LRP8: variants seen among roughly 807,000 people sequenced by gnomAD.
The protein encoded by LRP8 is LDL receptor related protein 8.
A neutral mutation model predicts 111.6 loss-of-function variants in LRP8; 46 were observed. The observed-to-expected ratio is 0.41, with a 90% CI of 0.33 to 0.53. The LOEUF (loss-of-function observed/expected upper bound fraction) is 0.53, where lower values mean the gene tolerates loss of function less well. LRP8 is among the 20% of genes least tolerant of loss of function. LRP8 has a pLI of 0.20. For missense variants in LRP8, 959 were observed against 1,297.4 expected (o/e 0.74, Z 4.01); for synonymous variants, 464 against 511.2 (o/e 0.91, Z 1.24).
At chr1:53,327,719 C>T in intron 1 of LRP8, 70 bp downstream of exon 1, 5 of 1,375,194 alleles carry the variant, frequency 3.6e-6, no homozygotes, top group South Asian at 1.5e-5. Flanking sequence ...CTCCCCGCTC[C>T]GGCCTCCCGG....
Position 53,327,961 on chromosome 1 carries a change from GC to G in LRP8, c.-50del. On this transcript the variant is annotated 5_prime_UTR_variant, in exon 1 of 19. Coordinates refer to ENST00000306052, the MANE Select transcript of LRP8 (RefSeq NM_004631.5). ...CGCGCCCCGCGCTCCCCGCGCCGCC[GC>G]CGCCGCGTCTCAGCCCTCCGAGTCC... The G allele has an allele frequency of 9.5e-7, 1 of 1,057,494 alleles. No individual in the cohort carries two copies. Among genetic ancestry groups the G allele is most frequent in the Non-Finnish European group, 1.1e-6 (1 of 877,760 alleles). 65.5% of individuals were successfully genotyped at this position (1,057,494 alleles called of 1,614,324 possible). A position where few individuals can be genotyped will look rare whatever the true frequency, so the allele number is the denominator to read the frequency against.
In LRP8 at chr1:53,317,470, C is replaced by A. The variant is rs1441195111; in HGVS notation, c.244+9403G>T. Among the ~76,000 whole-genome samples, 1 of 152,216 alleles carries A rather than the reference C, an allele frequency of 6.6e-6. No individual in the cohort carries two copies. The highest frequency in any genetic ancestry group is 1.5e-5 in the Non-Finnish European group (1 of 68,042). On this transcript the variant is annotated intron_variant, in intron 2 of 18. Coordinates refer to ENST00000306052, the MANE Select transcript of LRP8 (RefSeq NM_004631.5). This position sits in a 1 kb window ranked among gnomAD's most constrained non-coding sequence, Gnocchi z 4.9. ...AGATGGCTCCGACAGTCCCTCCCAG[C>A]CCGAGGAGCTGCTGTTCTCTCAGGC... is the stretch of plus-strand genomic sequence containing the variant.
intron 16 of LRP8, among the ~76,000 whole-genome samples, chr1:53,254,797 T>C (rs1200484275): frequency 1.3e-5 from 2 of 152,112 alleles, no homozygotes; most frequent in Non-Finnish European, 2.9e-5. Flanking sequence ...TGCCAGGAGC[T>C]GGGGAGAATG....
chr1:53,288,639 C>T (rs1445041591), intron 3 of LRP8, among the ~76,000 whole-genome samples: 2 of 152,052 alleles, frequency 1.3e-5, no homozygotes, highest in Non-Finnish European at 1.5e-5. Context: ...GATGGGACTC[C>T]GGTCTCCATT....
rs1302045529 is a variant in LRP8, at chr1:53,243,578, T to C, written c.*3440A>G. On this transcript the variant is annotated 3_prime_UTR_variant, in exon 19 of 19. Coordinates refer to ENST00000306052, the MANE Select transcript of LRP8 (RefSeq NM_004631.5). ...CATTGAATCAGAAATTAATCTATTT[T>C]ATAAAGTGCTTACATTGAATCTCTT... The C allele has an allele frequency of 1.3e-5, 2 of 152,216 alleles. No individual in the cohort carries two copies. Among genetic ancestry groups the C allele is most frequent in the African/African-American group, 4.8e-5 (2 of 41,448 alleles). The allele number at this position is 152,216 out of a possible 1,614,324, so 9.4% of individuals were successfully genotyped here.
Position 53,262,360 on chromosome 1 carries a change from C to A in LRP8, c.1774+86G>T. 6.6e-7 allele frequency: 1 copy of A among 1,520,288 alleles called. No homozygotes were observed. Among genetic ancestry groups the A allele is most frequent in the Non-Finnish European group, 9.1e-7 (1 of 1,100,756 alleles). 94.2% of individuals were successfully genotyped at this position (1,520,288 alleles called of 1,614,324 possible). A position where few individuals can be genotyped will look rare whatever the true frequency, so the allele number is the denominator to read the frequency against. ...CAAAGTCACTGGCACCATGAGAGGACCCAGAAACAAGACTCATGGAGTTCC... is the reference window on the plus strand; with the variant it reads ...CAAAGTCACTGGCACCATGAGAGGAACCAGAAACAAGACTCATGGAGTTCC... On this transcript the variant is annotated intron_variant, in intron 11 of 18. Coordinates refer to ENST00000306052, the MANE Select transcript of LRP8 (RefSeq NM_004631.5). The surrounding 1 kb of genome is among the most constrained non-coding windows in gnomAD (Gnocchi z 4.8).
At chr1:53,274,394 A>C (rs531251224) in intron 6 of LRP8, among the ~76,000 whole-genome samples, 2 of 152,364 alleles carry the variant, frequency 1.3e-5, no homozygotes, top group South Asian at 4.1e-4. Context: ...ACCGAGGAAG[A>C]GAGAAAGTTC....
intron 8 of LRP8, chr1:53,268,584 T>A (rs1181122662): frequency 6.6e-6 from 1 of 152,194 alleles, no homozygotes; most frequent in Admixed American, 6.5e-5. Context: ...ATCTGTTGTA[T>A]ATTGTATTTA....
chr1:53,270,663 C>T (rs915245266), intron 8 of LRP8, among the ~76,000 whole-genome samples: 7 of 152,200 alleles, frequency 4.6e-5, no homozygotes, highest in African/African-American at 1.7e-4. Flanking sequence ...CAATGCAGAA[C>T]TCTTAGGGCT....
In LRP8 at chr1:53,294,234, C is replaced by T. The variant is rs182042477; in HGVS notation, c.245-4545G>A. Among the ~76,000 whole-genome samples, 2 of 152,320 alleles carry T rather than the reference C, an allele frequency of 1.3e-5. No individual in the cohort carries two copies. Among genetic ancestry groups the T allele is most frequent in the African/African-American group, 4.8e-5 (2 of 41,576 alleles). ...AGCCCAGGAGTGATACATAGTCAAC[C>T]AGGGTCTGCGACATCATAATCTGGT... On this transcript the variant is annotated intron_variant, in intron 2 of 18. Transcript: ENST00000306052. This position sits in a 1 kb window ranked among gnomAD's most constrained non-coding sequence, Gnocchi z 4.1.
rs530486842 is a variant in LRP8 at position 53,274,038 on chromosome 1, TGCCCACCCTACCTACA to T, written c.1006+1577_1006+1592del. On this transcript the variant is annotated intron_variant, in intron 6 of 18. Coordinates refer to ENST00000306052, the MANE Select transcript of LRP8 (RefSeq NM_004631.5). The stretch of plus-strand genomic sequence containing the variant: ...TGGGTTTCTAGCATGTTCTCTGGGA[TGCCCACCCTACCTACA>T]GCCTGGAGCCTCTGTTCTTTCTAGC... Among the ~76,000 whole-genome samples the T allele has an allele frequency of 1.4e-4, 21 of 152,302 alleles. No homozygotes were observed. In the East Asian group the frequency reaches 3.5e-3, roughly 25 times the overall value.
In LRP8 at chr1:53,260,613, G is replaced by T. The variant is rs770805690; in HGVS notation, c.1915-8C>A. Reference sequence around the variant, plus strand: ...TGTCCAGAACACCTTGTCCTGTGGGGTATAGATGCAGAGGATGGGAGGCCT... The same window carrying T: ...TGTCCAGAACACCTTGTCCTGTGGGTTATAGATGCAGAGGATGGGAGGCCT... On this transcript the variant is annotated splice_region_variant and splice_polypyrimidine_tract_variant and intron_variant, in intron 12 of 18. Coordinates refer to ENST00000306052, the MANE Select transcript of LRP8 (RefSeq NM_004631.5). 1.2e-6 allele frequency: 2 copies of T among 1,613,476 alleles called. No individual in the cohort carries two copies. Among genetic ancestry groups the T allele is most frequent in the Admixed American group, 1.7e-5 (1 of 59,990 alleles).
Position 53,273,442 on chromosome 1 carries a change from C to T in LRP8, c.1007-2096G>A, listed in dbSNP as rs1292097402. 4.6e-5 allele frequency among the ~76,000 whole-genome samples: 7 copies of T among 152,208 alleles called. No individual in the cohort carries two copies. In the East Asian group the frequency reaches 7.7e-4, roughly 17 times the overall value. ...CCCCTGCTTTACTCAGAGAAGAAGA[C>T]ATGGATACAGACACCGGCCTCTCAC... On this transcript the variant is annotated intron_variant, in intron 6 of 18. Coordinates refer to ENST00000306052, the MANE Select transcript of LRP8 (RefSeq NM_004631.5).
At chr1:53,315,326 A>G (rs1177994592) in intron 2 of LRP8, among the ~76,000 whole-genome samples, 1 of 152,194 alleles carries the variant, frequency 6.6e-6, no homozygotes, top group Non-Finnish European at 1.5e-5. Flanking sequence ...GGATTCCTGA[A>G]GGACAGATGG....
intron 2 of LRP8, among the ~76,000 whole-genome samples, chr1:53,297,702 T>C (rs1288495): frequency 0.39 from 58,993 of 151,986 alleles, 14,905 homozygotes; most frequent in African/African-American, 0.71. Flanking sequence ...GGCTTTGCTT[T>C]CAAATCGGGA....
chr1:53,264,344 C>A lies in LRP8; in HGVS notation c.1480G>T (p.Glu494Ter). The A allele has an allele frequency of 6.2e-7, 1 of 1,614,086 alleles. No individual in the cohort carries two copies. The highest frequency in any genetic ancestry group is 8.5e-7 in the Non-Finnish European group (1 of 1,179,986). The change falls in exon 10 of 19, where the codon GAG becomes TAG. Residue 494 changes from glutamate (E) to a stop codon, truncating the protein, a stop_gained. Transcript: ENST00000306052. LOFTEE classifies it high-confidence loss of function. ...AGGCCCTCTGGAGAGTGCAACTGCT[C>A]GTCAATGAGGACCTCCTGCTCTTTC... is the stretch of plus-strand genomic sequence containing the variant. The part of the protein sequence containing the change: ...DPKEQEVLID[E>*]QLHSPEGLAV...
At chr1:53,324,026 T>C (rs1171929309) in intron 2 of LRP8, among the ~76,000 whole-genome samples, 1 of 152,188 alleles carries the variant, frequency 6.6e-6, no homozygotes, top group East Asian at 1.9e-4. Flanking sequence ...GCAGACTCTA[T>C]CTACAAATTC....
chr1:53,323,923 C>G (rs1654826227), intron 2 of LRP8, among the ~76,000 whole-genome samples: 1 of 152,242 alleles, frequency 6.6e-6, no homozygotes, highest in Admixed American at 6.5e-5. Context: ...GGAAGCCTTT[C>G]TTGGCTTCCT....
chr1:53,318,284 C>T (rs1261553639), intron 2 of LRP8, among the ~76,000 whole-genome samples: 3 of 150,920 alleles, frequency 2.0e-5, no homozygotes, highest in African/African-American at 7.3e-5. Flanking sequence ...GGGGCCAGAA[C>T]ACCGCTCGTT....
Sources: allele counts gnomAD v4.1 joint callset (sites outside exome capture counted in the v4.1 genomes callset), GRCh38; gene constraint gnomAD v4.1.1; non-coding constraint Gnocchi (gnomAD v3.1); transcripts MANE v1.5; gene names NCBI Gene and HGNC (gene_info 2026-07-23, HGNC 2026-07-21).